The following ZNHIT3 variants were observed in gnomAD, a reference collection of about 807,000 sequenced individuals.
ZNHIT3 encodes the protein zinc finger HIT-type containing 3.
A neutral mutation model predicts 19.9 loss-of-function variants in ZNHIT3; 27 were observed. The ratio of observed to expected loss-of-function variants is 1.36; its 90% CI spans 1.00 to 1.87. The LOEUF is 1.87. Ranked by LOEUF, ZNHIT3 falls within the 40% of genes most tolerant of loss-of-function variation. The pLI is 0.00. For synonymous variants in ZNHIT3, 81 were observed against 65.7 expected, an observed-to-expected ratio of 1.23 and a Z score of -1.13; for missense variants, 215 against 185.6, an observed-to-expected ratio of 1.16 and a Z score of -0.92.
chr17:36,498,083 C>T (rs2071166940), downstream of ZNHIT3: 1 of 601,688 alleles, frequency 1.7e-6, no homozygotes, highest in Non-Finnish European at 2.8e-6. Context: ...GGAAGATTCC[C>T]AGTTATAACA....
chr17:36,488,283 G>A (rs1386060443), intron 2 of ZNHIT3, among the ~76,000 whole-genome samples: 1 of 151,906 alleles, frequency 6.6e-6, no homozygotes, highest in Non-Finnish European at 1.5e-5. Flanking sequence ...AGTGGCTCAT[G>A]CCTGTAATCC....
chr17:36,497,955 G>A (rs2071154120), downstream of ZNHIT3: 1 of 376,706 alleles, frequency 2.7e-6, no homozygotes, highest in Non-Finnish European at 4.8e-6. Context: ...GTGGTTCATG[G>A]AGCATCAGAA....
downstream of ZNHIT3, chr17:36,496,346 G>A (rs775113383): frequency 1.2e-6 from 2 of 1,614,006 alleles, no homozygotes; most frequent in South Asian, 1.1e-5. Flanking sequence ...TAGGGTGAAG[G>A]TTCAGGGCAG....
rs752009346 is a variant in ZNHIT3, at chr17:36,486,786, G to A, written c.86+1G>A. ...GCTGTCCAGCCTGCCGCGTGCCCTA[G>A]TGAGCGGGGAGGTCGCGGGGTCCAG... On this transcript the variant is annotated splice_donor_variant, in intron 1 of 4. Transcript: ENST00000617429. LOFTEE classifies it high-confidence loss of function. 18 of 1,612,758 alleles carry A rather than the reference G, an allele frequency of 1.1e-5. No individual in the cohort carries two copies. Among genetic ancestry groups the A allele is most frequent in the South Asian group, 2.2e-5 (2 of 90,990 alleles).
At chr17:36,499,187 A>T, downstream of ZNHIT3, 1 of 1,569,032 alleles carries the variant, frequency 6.4e-7, no homozygotes, top group Non-Finnish European at 8.7e-7. Context: ...GAAACAGGAA[A>T]GAGATAATAA....
At chr17:36,496,155 G>A, downstream of ZNHIT3, 7 of 1,479,234 alleles carry the variant, frequency 4.7e-6, no homozygotes, top group Non-Finnish European at 6.5e-6. Flanking sequence ...TGCATTTGGA[G>A]CACTGTGGGA....
chr17:36,494,304 T>C (rs1033442517), intron 4 of ZNHIT3, among the ~76,000 whole-genome samples: 1 of 152,228 alleles, frequency 6.6e-6, no homozygotes, highest in Non-Finnish European at 1.5e-5. Context: ...TCTTTCAGAA[T>C]TAGGCACTTT....
At chr17:36,488,454 A>G (rs1168489662) in intron 2 of ZNHIT3, among the ~76,000 whole-genome samples, 3 of 152,044 alleles carry the variant, frequency 2.0e-5, no homozygotes, top group Non-Finnish European at 4.4e-5. Context: ...CTGAGGCAGG[A>G]TAATTGCTTG....
Position 36,495,260 on chromosome 17 carries a change from A to G in ZNHIT3, c.324A>G (p.Pro108=). The G allele has an allele frequency of 1.2e-6, 2 of 1,609,028 alleles. No individual in the cohort carries two copies. Among genetic ancestry groups the G allele is most frequent in the Non-Finnish European group, 8.5e-7 (1 of 1,178,790 alleles). ...SATLRSLLLN[P]HLRQLMVNLD... ...CATTAAGAAGCTTATTGCTCAATCC[A>G]CACCTCAGGCAGTTGATGGTCAACC... Residue 108 remains proline, a synonymous_variant, in exon 5 of 5, where the codon CCA becomes CCG. Coordinates refer to ENST00000617429, the MANE Select transcript of ZNHIT3 (RefSeq NM_004773.4).
chr17:36,498,430 G>A (rs968912623), downstream of ZNHIT3: 9 of 1,614,014 alleles, frequency 5.6e-6, no homozygotes, highest in Non-Finnish European at 7.6e-6. Flanking sequence ...AGTCCCAGGG[G>A]CCAGAGGCGG....
chr17:36,497,695 A>G, downstream of ZNHIT3: 2 of 271,926 alleles, frequency 7.4e-6, no homozygotes, highest in Non-Finnish European at 5.6e-6. Context: ...AGCAATTCTC[A>G]TGCCTCAGCC....
chr17:36,498,269 A>G, downstream of ZNHIT3: 1 of 1,610,280 alleles, frequency 6.2e-7, no homozygotes, highest in Non-Finnish European at 8.5e-7. Flanking sequence ...AACGTACCTG[A>G]GGCAGCGCTC....
At chr17:36,496,744 G>A (rs1342641209), downstream of ZNHIT3, among the ~76,000 whole-genome samples, 1 of 152,086 alleles carries the variant, frequency 6.6e-6, no homozygotes, top group African/African-American at 2.4e-5. Flanking sequence ...ATGGAAATTT[G>A]GTGTTTCCTT....
At chr17:36,499,188 G>C, downstream of ZNHIT3, 1 of 1,567,980 alleles carries the variant, frequency 6.4e-7, no homozygotes, top group Non-Finnish European at 8.7e-7. Flanking sequence ...AAACAGGAAA[G>C]AGATAATAAA....
At chr17:36,493,686 AAC>A (rs2070778622) in intron 3 of ZNHIT3, among the ~76,000 whole-genome samples, 1 of 152,206 alleles carries the variant, frequency 6.6e-6, no homozygotes, top group Admixed American at 6.5e-5. Context: ...TAAGGATGTG[AAC>A]ACTAGAGTGC....
chr17:36,494,800 A>C (rs1185732626), intron 4 of ZNHIT3, among the ~76,000 whole-genome samples: 1 of 152,128 alleles, frequency 6.6e-6, no homozygotes, highest in African/African-American at 2.4e-5. Context: ...AGCCGTCTTC[A>C]CCACTGGCAA....
At chr17:36,498,001 T>C (rs1010875615), downstream of ZNHIT3, 5 of 473,352 alleles carry the variant, frequency 1.1e-5, no homozygotes, top group South Asian at 8.0e-5. Flanking sequence ...AGCATTGCAT[T>C]TGGAAATGGG....
chr17:36,499,009 C>G, downstream of ZNHIT3: 1 of 1,303,002 alleles, frequency 7.7e-7, no homozygotes. Context: ...CCAGCATTCC[C>G]ACTCGGGTCC....
intron 4 of ZNHIT3, 101 bp downstream of exon 4, chr17:36,494,107 T>G: frequency 1.2e-6 from 1 of 845,890 alleles, no homozygotes; most frequent in Non-Finnish European, 1.9e-6. Context: ...AAGTATGGCA[T>G]GTAGGGCTCT....
Sources: gnomAD v4.1 joint callset for allele counts (sites outside exome capture counted in the v4.1 genomes callset) on GRCh38, gnomAD v4.1.1 for gene constraint, MANE v1.5 for transcripts, NCBI Gene and HGNC (gene_info 2026-07-23, HGNC 2026-07-21) for gene names.